Variants in CFI observed in about 807,000 individuals in gnomAD.
CFI encodes the protein complement factor I, also known as C3B/C4B inactivator.
CFI carries 66 observed loss-of-function variants against 78.8 expected under a neutral mutation model. The observed-to-expected ratio is 0.84, with a 90% CI of 0.69 to 1.03. The LOEUF is 1.03. Ranked by LOEUF, CFI falls within the 50% of genes least tolerant of loss-of-function variation. CFI has a pLI of 0.00. For synonymous variants in CFI, 250 were observed against 232.6 expected (o/e 1.07, Z -0.68); for missense variants, 706 against 704.5 (o/e 1.00, Z -0.02).
At chr4:109,800,635 G>T (rs1034768930) in intron 1 of CFI, among the ~76,000 whole-genome samples, 1 of 151,906 alleles carries the variant, frequency 6.6e-6, no homozygotes, top group Non-Finnish European at 1.5e-5. Context: ...CAGTAAAACC[G>T]AAAACAGAAA....
chr4:109,752,060 C>A (rs1290838918), intron 8 of CFI, among the ~76,000 whole-genome samples: 1 of 152,148 alleles, frequency 6.6e-6, no homozygotes, highest in African/African-American at 2.4e-5. Context: ...TCTCCTATTA[C>A]CGTGATTTAA....
intron 1 of CFI, among the ~76,000 whole-genome samples, chr4:109,772,457 T>A (rs1450331267): frequency 1.3e-5 from 2 of 152,312 alleles, no homozygotes; most frequent in East Asian, 3.9e-4. Flanking sequence ...ATAAGAAAAA[T>A]TATTTAAATC....
In CFI at chr4:109,772,032, A is replaced by T. The variant is rs796431419; in HGVS notation, c.58-5208T>A. Among the ~76,000 whole-genome samples, 18 of 152,348 alleles carry T rather than the reference A, an allele frequency of 1.2e-4. 1 individual carries two copies. Among genetic ancestry groups the T allele is most frequent in the African/African-American group, 4.1e-4 (17 of 41,576 alleles). The stretch of plus-strand genomic sequence containing the variant: ...CAGTTTGCTATACTTATAATTTCCT[A>T]TTGTAAATTGGAAGCAACTTTATGA... On this transcript the variant is annotated intron_variant, in intron 1 of 12. Coordinates refer to ENST00000394634, the MANE Select transcript of CFI (RefSeq NM_000204.5).
intron 4 of CFI, 82 bp from the exon 5 acceptor site, chr4:109,760,718 G>T: frequency 1.2e-6 from 1 of 815,718 alleles, no homozygotes; most frequent in Non-Finnish European, 2.2e-6. Context: ...GGATAATGGA[G>T]TCATTAAGAG....
At chr4:109,748,054 T>C (rs1379118484) in intron 10 of CFI, among the ~76,000 whole-genome samples, 1 of 152,202 alleles carries the variant, frequency 6.6e-6, no homozygotes, top group Non-Finnish European at 1.5e-5. Context: ...CCCTGATCTA[T>C]ATAACTTCTG....
intron 6 of CFI, 132 bp from the exon 7 acceptor site, chr4:109,757,915 T>C: frequency 7.0e-7 from 1 of 1,419,990 alleles, no homozygotes; most frequent in East Asian, 2.5e-5. Context: ...ATATAATTTT[T>C]CTATTATAAA....
chr4:109,771,868 AGG>A (rs1265445813), intron 1 of CFI, among the ~76,000 whole-genome samples: 2 of 152,074 alleles, frequency 1.3e-5, no homozygotes. Context: ...TCATGGTTAT[AGG>A]CTAAGGGGAG....
At chr4:109,774,636 G>C (rs558848284) in intron 1 of CFI, among the ~76,000 whole-genome samples, 1 of 152,306 alleles carries the variant, frequency 6.6e-6, no homozygotes, top group South Asian at 2.1e-4. Context: ...TACTCTGAAT[G>C]AATCATAAAG....
At chr4:109,757,672 C>T in intron 7 of CFI, 91 bp downstream of exon 7, 2 of 824,312 alleles carry the variant, frequency 2.4e-6, no homozygotes, top group Non-Finnish European at 2.0e-6. Context: ...TCATATCATG[C>T]TCCATTAACA....
At chr4:109,759,215 G>A (rs1726702740) in intron 6 of CFI, among the ~76,000 whole-genome samples, 1 of 147,530 alleles carries the variant, frequency 6.8e-6, no homozygotes, top group Admixed American at 6.8e-5. Context: ...TCTAAATCTA[G>A]AATAGACGTA....
At chr4:109,733,635 G>T in the CFI span, among the ~76,000 whole-genome samples, 2 of 152,186 alleles carry the variant, frequency 1.3e-5, no homozygotes, top group African/African-American at 4.8e-5. Flanking sequence ...TTTGCTGATG[G>T]ACTGAATATG....
chr4:109,796,094 T>C (rs1341701174), intron 1 of CFI, among the ~76,000 whole-genome samples: 2 of 152,172 alleles, frequency 1.3e-5, no homozygotes, highest in Non-Finnish European at 2.9e-5. Context: ...AAAGACAATT[T>C]TGAAAGAACG....
chr4:109,775,239 C>T (rs1729073108), intron 1 of CFI, among the ~76,000 whole-genome samples: 1 of 152,150 alleles, frequency 6.6e-6, no homozygotes, highest in Admixed American at 6.5e-5. Context: ...CAGGGAATTC[C>T]CTTTTCCAGC....
chr4:109,757,904 A>G, intron 6 of CFI, 121 bp from the exon 7 acceptor site: 2 of 1,386,976 alleles, frequency 1.4e-6, no homozygotes, highest in African/African-American at 1.5e-5. Context: ...TTTCTTCGGT[A>G]ATATAATTTT....
At position 109,744,325 on chromosome 4, in the gene CFI, T is replaced by C. The variant is rs13104777; in HGVS notation, c.1430-1730A>G. On this transcript the variant is annotated intron_variant, in intron 11 of 12. Transcript: ENST00000394634. ...GTGAAATTATATGACATCTGGGATA[T>C]GGTTTAATATACTCCAGGAAAAATA... Among the ~76,000 whole-genome samples the C allele has an allele frequency of 0.35, 52,537 of 152,028 alleles. 10,295 individuals carry two copies. The highest frequency in any genetic ancestry group is 0.49 in the Middle Eastern group (144 of 294).
At chr4:109,784,267 T>C (rs1321206294) in intron 1 of CFI, among the ~76,000 whole-genome samples, 3 of 152,144 alleles carry the variant, frequency 2.0e-5, no homozygotes, top group South Asian at 2.1e-4. Flanking sequence ...GTAATTTTAG[T>C]GGAATGGGGA....
At chr4:109,760,199 T>G (rs1726858306) in intron 6 of CFI, 71 bp downstream of exon 6, 1 of 1,040,052 alleles carries the variant, frequency 9.6e-7, no homozygotes, top group South Asian at 1.3e-5. Context: ...AGATTATACT[T>G]TACCTAAAGA....
rs1344792810 is a variant in CFI at position 109,746,433 on chromosome 4, A to G, written c.1218T>C (p.Arg406=). The change falls in exon 11 of 13, where the codon CGT becomes CGC. Residue 406 remains arginine, a synonymous_variant. Transcript: ENST00000394634. ...TTCTATCCACGTATTCAATTACTAT[A>G]CGTTTAAGGTCGGGGTGTATCCAGT... ...VVDWIHPDLK[R]IVIEYVDRII... 6.2e-7 allele frequency: 1 copy of G among 1,613,870 alleles called. No homozygotes were observed. Among genetic ancestry groups the G allele is most frequent in the South Asian group, 1.1e-5 (1 of 91,082 alleles).
intron 7 of CFI, 78 bp downstream of exon 7, chr4:109,757,685 T>TA: frequency 1.1e-6 from 1 of 942,592 alleles, no homozygotes; most frequent in Non-Finnish European, 1.6e-6. Flanking sequence ...CATTAACAGT[T>TA]ACATTAAAAT....
Sources: gnomAD v4.1 joint callset for allele counts (sites outside exome capture counted in the v4.1 genomes callset) on GRCh38, gnomAD v4.1.1 for gene constraint, MANE v1.5 for transcripts, NCBI Gene and HGNC (gene_info 2026-07-23, HGNC 2026-07-21) for gene names.